The following TMEM132B variants were observed in gnomAD, a reference collection of about 807,000 sequenced individuals.
TMEM132B encodes transmembrane protein 132B.
In TMEM132B, 18 loss-of-function variants were observed where a neutral mutation model predicts 90.8. The ratio of observed to expected loss-of-function variants is 0.20; its 90% CI spans 0.14 to 0.29. The LOEUF is 0.29. Ranked by LOEUF, TMEM132B falls within the 10% of genes least tolerant of loss-of-function variation. TMEM132B has a pLI of 1.00. For synonymous variants in TMEM132B, 504 were observed against 523.3 expected (o/e 0.96, Z 0.50); for missense variants, 1,096 against 1,326.8 (o/e 0.83, Z 2.70).
chr12:125,217,952 T>C (rs1194323179), intron 1 of TMEM132B, among the ~76,000 whole-genome samples: 1 of 152,186 alleles, frequency 6.6e-6, no homozygotes, highest in South Asian at 2.1e-4. Context: ...TTAAGCAAAT[T>C]ATGACATATC....
intron 2 of TMEM132B, among the ~76,000 whole-genome samples, chr12:125,363,057 A>G (rs1878011898): frequency 6.6e-6 from 1 of 152,124 alleles, no homozygotes; most frequent in African/African-American, 2.4e-5. Flanking sequence ...CTTGCCTGCC[A>G]CGTTGAACAC....
chr12:125,450,902 T>C (rs1881131612), intron 3 of TMEM132B, among the ~76,000 whole-genome samples: 1 of 152,168 alleles, frequency 6.6e-6, no homozygotes, highest in South Asian at 2.1e-4. Context: ...GCTAGCAATG[T>C]GTGATTTAAC....
At chr12:125,608,389 AT>A (rs1885747732) in intron 5 of TMEM132B, among the ~76,000 whole-genome samples, 1 of 152,188 alleles carries the variant, frequency 6.6e-6, no homozygotes, top group South Asian at 2.1e-4. Flanking sequence ...AAAAATGTCT[AT>A]TGAGGTCCTT....
intron 3 of TMEM132B, among the ~76,000 whole-genome samples, chr12:125,505,700 GA>G (rs34696111): frequency 0.16 from 20,450 of 130,812 alleles, 1,650 homozygotes; most frequent in Admixed American, 0.32. Flanking sequence ...CCCCGTCTCA[GA>G]AAAAAAAAAA....
intron 3 of TMEM132B, among the ~76,000 whole-genome samples, chr12:125,477,839 G>A (rs980785392): frequency 1.3e-5 from 2 of 152,168 alleles, no homozygotes; most frequent in Admixed American, 6.5e-5. Context: ...CCTCCCAGTA[G>A]GGGCCAACTG....
At chr12:125,270,948 G>GTT (rs35421730) in intron 1 of TMEM132B, among the ~76,000 whole-genome samples, 56 of 145,914 alleles carry the variant, frequency 3.8e-4, no homozygotes, top group Middle Eastern at 3.5e-3. Context: ...AAACATAGTT[G>GTT]TTTTTTTTTT....
At chr12:125,381,475 A>C (rs1878679549) in intron 2 of TMEM132B, among the ~76,000 whole-genome samples, 1 of 152,164 alleles carries the variant, frequency 6.6e-6, no homozygotes, top group Non-Finnish European at 1.5e-5. Context: ...GGGGAGGCTA[A>C]AGAGTTTATC....
intron 4 of TMEM132B, among the ~76,000 whole-genome samples, chr12:125,568,004 G>A (rs1326368835): frequency 2.6e-5 from 4 of 152,286 alleles, no homozygotes; most frequent in Non-Finnish European, 4.4e-5. Flanking sequence ...CTAACCTTGC[G>A]TGCGTCTGTC....
At chr12:125,284,489 C>A (rs376051401) in intron 1 of TMEM132B, among the ~76,000 whole-genome samples, 1 of 152,214 alleles carries the variant, frequency 6.6e-6, no homozygotes, top group Non-Finnish European at 1.5e-5. Flanking sequence ...CTTCCTCCCC[C>A]CTGCTCCCTT....
intron 1 of TMEM132B, among the ~76,000 whole-genome samples, chr12:125,275,080 C>T (rs534221112): frequency 6.6e-6 from 1 of 152,326 alleles, no homozygotes; most frequent in African/African-American, 2.4e-5. Context: ...TATCTTTTGT[C>T]TGAGCAACTT....
At chr12:125,398,244 C>G (rs1317048369) in intron 2 of TMEM132B, among the ~76,000 whole-genome samples, 2 of 152,160 alleles carry the variant, frequency 1.3e-5, no homozygotes, top group Non-Finnish European at 2.9e-5. Context: ...ATCCTCTTAC[C>G]TGCTTCCTGA....
chr12:125,394,573 G>T (rs1379442951), intron 2 of TMEM132B, among the ~76,000 whole-genome samples: 1 of 152,192 alleles, frequency 6.6e-6, no homozygotes, highest in East Asian at 1.9e-4. Flanking sequence ...GGGGACAAGA[G>T]AAGTCATTAG....
At chr12:125,433,919 A>C (rs1186021700) in intron 3 of TMEM132B, among the ~76,000 whole-genome samples, 1 of 152,120 alleles carries the variant, frequency 6.6e-6, no homozygotes, top group East Asian at 1.9e-4. Context: ...GGGCTCTGCA[A>C]ATTGAGTATT....
chr12:125,651,459 A>G (rs1302833928), intron 7 of TMEM132B, among the ~76,000 whole-genome samples: 1 of 152,244 alleles, frequency 6.6e-6, no homozygotes, highest in African/African-American at 2.4e-5. Flanking sequence ...TTGACAGGAT[A>G]ATTATGCAGA....
At chr12:125,287,667 C>T (rs186187383) in intron 1 of TMEM132B, among the ~76,000 whole-genome samples, 14 of 152,310 alleles carry the variant, frequency 9.2e-5, no homozygotes, top group Non-Finnish European at 7.3e-5. Flanking sequence ...AATGAAACCT[C>T]CCTGCATAGT....
rs894200737 is a variant in TMEM132B at position 125,458,715 on chromosome 12, C to T, written c.1106+43038C>T. Reference sequence around the variant, plus strand: ...GGGAAGCCAATGGAGATGTTCCCGCCTGCACTGCTGTCACACTGGGTGGTG... The same window carrying T: ...GGGAAGCCAATGGAGATGTTCCCGCTTGCACTGCTGTCACACTGGGTGGTG... On this transcript the variant is annotated intron_variant, in intron 3 of 8. Coordinates refer to ENST00000682704, the MANE Select transcript of TMEM132B (RefSeq NM_001366854.1). The surrounding 1 kb of genome is among the most constrained non-coding windows in gnomAD (Gnocchi z 4.9). Among the ~76,000 whole-genome samples, 3 of 152,204 alleles carry T rather than the reference C, an allele frequency of 2.0e-5. No homozygotes were observed. The highest frequency in any genetic ancestry group is 7.2e-5 in the African/African-American group (3 of 41,454).
intron 3 of TMEM132B, among the ~76,000 whole-genome samples, chr12:125,511,476 T>C (rs1002518646): frequency 6.6e-6 from 1 of 151,904 alleles, no homozygotes; most frequent in Non-Finnish European, 1.5e-5. Context: ...TCCTTTTCAC[T>C]CTCATCTCTT....
intron 1 of TMEM132B, among the ~76,000 whole-genome samples, chr12:125,275,562 A>G (rs564181525): frequency 2.0e-5 from 3 of 152,348 alleles, no homozygotes; most frequent in African/African-American, 7.2e-5. Flanking sequence ...TGAATGAAGA[A>G]GTTGGGTAAA....
intron 2 of TMEM132B, among the ~76,000 whole-genome samples, chr12:125,369,745 T>C (rs1452391133): frequency 6.6e-6 from 1 of 152,160 alleles, no homozygotes; most frequent in African/African-American, 2.4e-5. Context: ...AGGTCATTGG[T>C]AACTTTAATA....
Sources: allele counts gnomAD v4.1 joint callset (sites outside exome capture counted in the v4.1 genomes callset), GRCh38; gene constraint gnomAD v4.1.1; non-coding constraint Gnocchi (gnomAD v3.1); transcripts MANE v1.5; gene names NCBI Gene and HGNC (gene_info 2026-07-23, HGNC 2026-07-21).